JARID2: variants seen among roughly 807,000 people sequenced by gnomAD.
JARID2 encodes jumonji and AT-rich interaction domain containing 2.
JARID2 carries 21 observed loss-of-function variants against 125.6 expected under a neutral mutation model. The observed-to-expected ratio is 0.17, with a 90% confidence interval of 0.12 to 0.24. The LOEUF (loss-of-function observed/expected upper bound fraction) is 0.24. Ranked by LOEUF, JARID2 falls within the 10% of genes least tolerant of loss-of-function variation. The pLI is 1.00. For synonymous variants in JARID2, 736 were observed against 661.6 expected (o/e 1.11, Z -1.73); for missense variants, 1,303 against 1,639.6 (o/e 0.79, Z 3.55).
chr6:15,422,985 CTTTTTTTTT>C lies in JARID2; in HGVS notation c.323+12632_323+12640del, dbSNP rs375223254. Among the ~76,000 whole-genome samples the C allele has an allele frequency of 1.5e-4, 19 of 125,894 alleles. No homozygotes were observed. The South Asian group carries it at 4.0e-3, about 26-fold the overall frequency. The allele number at this position is 125,894 out of a possible 152,430, so 82.6% of individuals were successfully genotyped here. A position where few individuals can be genotyped will look rare whatever the true frequency, so the allele number is the denominator to read the frequency against. ...TCAAGGCTTACAGGTGTAGCCTAGT[CTTTTTTTTT>C]TTTTTTTTTTTAAACATTTATTTGA... On this transcript the variant is annotated intron_variant, in intron 3 of 17. Coordinates refer to ENST00000341776, the MANE Select transcript of JARID2 (RefSeq NM_004973.4).
At chr6:15,406,467 A>ATTTG (rs1765655832) in intron 2 of JARID2, among the ~76,000 whole-genome samples, 1 of 152,096 alleles carries the variant, frequency 6.6e-6, no homozygotes, top group African/African-American at 2.4e-5. Flanking sequence ...TGGCCCTTTA[A>ATTTG]TTTGTATAAA....
chr6:15,495,076 G>T (rs1282036771), intron 6 of JARID2, among the ~76,000 whole-genome samples: 1 of 152,204 alleles, frequency 6.6e-6, no homozygotes, highest in Non-Finnish European at 1.5e-5. Context: ...GAAAAGTAAT[G>T]CCCAAGGTGT....
chr6:15,373,554 T>C (rs923272297), intron 1 of JARID2, among the ~76,000 whole-genome samples: 1 of 152,226 alleles, frequency 6.6e-6, no homozygotes, highest in African/African-American at 2.4e-5. Context: ...CAGTACTCTC[T>C]CCTTTTATTT....
At chr6:15,258,704 C>T (rs552191771) in intron 1 of JARID2, among the ~76,000 whole-genome samples, 2 of 152,274 alleles carry the variant, frequency 1.3e-5, no homozygotes, top group African/African-American at 4.8e-5. Context: ...ATTGCTTGAA[C>T]CCAGGAGGCA....
chr6:15,435,561 G>A (rs927403671), intron 3 of JARID2, among the ~76,000 whole-genome samples: 1 of 152,106 alleles, frequency 6.6e-6, no homozygotes, highest in Non-Finnish European at 1.5e-5. Flanking sequence ...ATTTCTCCTT[G>A]GGTAGGTCTG....
At chr6:15,509,049 GAC>G (rs1489931622) in intron 12 of JARID2, 17 of 1,289,348 alleles carry the variant, frequency 1.3e-5, no homozygotes, top group Non-Finnish European at 1.7e-5. Context: ...GCCATGTGGA[GAC>G]ACGCGCGTTA....
chr6:15,386,156 C>T (rs754765449), intron 2 of JARID2, among the ~76,000 whole-genome samples: 4 of 152,074 alleles, frequency 2.6e-5, no homozygotes, highest in African/African-American at 7.2e-5. Flanking sequence ...GCAGCTTGTA[C>T]AAGGCCACCT....
chr6:15,410,402 C>A, intron 3 of JARID2, 37 bp downstream of exon 3: 1 of 1,598,296 alleles, frequency 6.3e-7, no homozygotes. Flanking sequence ...GTACCTTCAA[C>A]CAGGGACTGC....
At chr6:15,506,361 C>T (rs1052157495) in intron 9 of JARID2, among the ~76,000 whole-genome samples, 6 of 152,224 alleles carry the variant, frequency 3.9e-5, no homozygotes. Context: ...ATTTGTGGAG[C>T]TTGACTCCGC....
At chr6:15,497,199 G>C (rs1277414433) in intron 7 of JARID2, 29 bp downstream of exon 7, 1 of 1,486,394 alleles carries the variant, frequency 6.7e-7, no homozygotes, top group African/African-American at 1.4e-5. Context: ...TCAGGGGGTG[G>C]TGCCTGCCCT....
In JARID2 at chr6:15,377,838, G is replaced by A. The variant is rs1246586972; in HGVS notation, c.181+3586G>A. Among the ~76,000 whole-genome samples, 7 of 53,218 alleles carry A rather than the reference G, an allele frequency of 1.3e-4. No homozygotes were observed. In the Admixed American group the frequency reaches 1.4e-3, roughly 10 times the overall value. The allele number at this position is 53,218 out of a possible 152,430, so 34.9% of individuals were successfully genotyped here. A position where few individuals can be genotyped will look rare whatever the true frequency, so the allele number is the denominator to read the frequency against. ...TGAGCCACCTGTCCCGAGCCAGGAT[G>A]GATAAGTCCATGCAAGATGTATGTT... On this transcript the variant is annotated intron_variant, in intron 2 of 17. Transcript: ENST00000341776.
At chr6:15,413,000 G>GTTTT (rs1561845196) in intron 3 of JARID2, among the ~76,000 whole-genome samples, 8 of 65,024 alleles carry the variant, frequency 1.2e-4, no homozygotes, top group African/African-American at 4.8e-4. Context: ...GGAAGAGCTT[G>GTTTT]TGTTTTTGTT....
At position 15,440,071 on chromosome 6, in the gene JARID2, A is replaced by C. The variant is rs566571605; in HGVS notation, c.324-11935A>C. ...AGAGAGAATGACTTTACCTTCTTGGAAACGTTTTGACTTGAGATGTAGTCA... is the reference window on the plus strand; with the variant it reads ...AGAGAGAATGACTTTACCTTCTTGGCAACGTTTTGACTTGAGATGTAGTCA... On this transcript the variant is annotated intron_variant, in intron 3 of 17. Coordinates refer to ENST00000341776, the MANE Select transcript of JARID2 (RefSeq NM_004973.4). 2.6e-5 allele frequency among the ~76,000 whole-genome samples: 4 copies of C among 152,352 alleles called. No individual in the cohort carries two copies. In the South Asian group the frequency reaches 8.3e-4, roughly 32 times the overall value.
intron 3 of JARID2, among the ~76,000 whole-genome samples, chr6:15,415,029 C>T (rs1465108346): frequency 1.3e-5 from 2 of 152,190 alleles, no homozygotes; most frequent in African/African-American, 4.8e-5. Flanking sequence ...AACGAGCATG[C>T]TGCCTTCAAG....
chr6:15,263,068 GTGTGTT>G (rs138944877), intron 1 of JARID2, among the ~76,000 whole-genome samples: 20 of 119,710 alleles, frequency 1.7e-4, no homozygotes, highest in African/African-American at 6.1e-4. Flanking sequence ...TTTGGAGGGT[GTGTGTT>G]TGTGTGTGTG....
chr6:15,334,835 T>G (rs1312005540), intron 1 of JARID2, among the ~76,000 whole-genome samples: 1 of 152,216 alleles, frequency 6.6e-6, no homozygotes, highest in African/African-American at 2.4e-5. Flanking sequence ...CTACTGCCAT[T>G]TAAAGAACTG....
intron 1 of JARID2, among the ~76,000 whole-genome samples, chr6:15,268,519 A>T (rs1760174854): frequency 6.6e-6 from 1 of 152,172 alleles, no homozygotes. Context: ...ATGTGTACTT[A>T]TATCCGAAAG....
Position 15,507,332 on chromosome 6 carries a change from C to T in JARID2, c.2661-14C>T. On this transcript the variant is annotated splice_polypyrimidine_tract_variant and intron_variant, in intron 10 of 17. Coordinates refer to ENST00000341776, the MANE Select transcript of JARID2 (RefSeq NM_004973.4). ...CCCGCCAGTTTGTAACGTCCCTCGT[C>T]TTCCCCTTTGCAGGCATGGATGGAA... 6.2e-7 allele frequency: 1 copy of T among 1,613,408 alleles called. No individual in the cohort carries two copies. The highest frequency in any genetic ancestry group is 2.2e-5 in the East Asian group (1 of 44,874).
chr6:15,504,581 G>A lies in JARID2; in HGVS notation c.2530G>A (p.Ala844Thr). The change falls in exon 9 of 18, where the codon GCC (alanine) becomes ACC (threonine). Residue 844 changes from alanine (A) to threonine (T), a missense_variant. Transcript: ENST00000341776. ...SMCFSKEPAP[A>T]EIEQEYWRLV... is the part of the protein sequence containing the mutation. ...GTGTTTCAGCAAGGAGCCTGCCCCA[G>A]CCGAAATCGAGGTGAGAGAAGGGGC... 6.2e-7 allele frequency: 1 copy of A among 1,613,524 alleles called. No individual in the cohort carries two copies. Among genetic ancestry groups the A allele is most frequent in the South Asian group, 1.1e-5 (1 of 91,070 alleles).
Sources: allele counts gnomAD v4.1 joint callset (sites outside exome capture counted in the v4.1 genomes callset), GRCh38; gene constraint gnomAD v4.1.1; transcripts MANE v1.5; gene names NCBI Gene and HGNC (gene_info 2026-07-23, HGNC 2026-07-21).